Variants in CLPTM1 observed in about 807,000 individuals in gnomAD.
CLPTM1 encodes the protein putative lipid scramblase CLPTM1.
A neutral mutation model predicts 77.3 loss-of-function variants in CLPTM1; 21 were observed. That is an observed-to-expected ratio of 0.27 (90% CI 0.19 to 0.39). CLPTM1 has a LOEUF of 0.39. Ranked by LOEUF, CLPTM1 falls within the 10% of genes least tolerant of loss-of-function variation. The probability of loss-of-function intolerance (pLI) is 1.00; values close to 1 mark genes in which losing one functional copy is unlikely to be tolerated. For synonymous variants in CLPTM1, 373 were observed against 381.0 expected, an observed-to-expected ratio of 0.98 and a Z score of 0.24; for missense variants, 642 against 921.2, an observed-to-expected ratio of 0.70 and a Z score of 3.92.
Position 44,972,717 on chromosome 19 carries a change from C to T in CLPTM1, c.186-370C>T, listed in dbSNP as rs552176209. The stretch of plus-strand genomic sequence containing the variant: ...ACTGAAGGGGTTCCAGATTCTTAGT[C>T]TCCTCTCGGGGGATCCCAGGGGGCT... On this transcript the variant is annotated intron_variant, in intron 2 of 13. Coordinates refer to ENST00000337392, the MANE Select transcript of CLPTM1 (RefSeq NM_001294.4). Among the ~76,000 whole-genome samples, 7 of 152,064 alleles carry T rather than the reference C, an allele frequency of 4.6e-5. No homozygotes were observed. In the Middle Eastern group the frequency reaches 0.02, roughly 443 times the overall value.
At chr19:44,987,966 C>T in intron 8 of CLPTM1, 114 bp from the exon 9 acceptor site, 1 of 768,612 alleles carries the variant, frequency 1.3e-6, no homozygotes, top group Admixed American at 1.8e-5. Flanking sequence ...CTCCTCCTGG[C>T]TGGCCCACCT....
intron 8 of CLPTM1, chr19:44,987,792 TGTC>T: frequency 1.8e-6 from 1 of 562,230 alleles, no homozygotes; most frequent in Non-Finnish European, 3.2e-6. Flanking sequence ...CCTCCTGGGC[TGTC>T]GTCACTGTTG....
At chr19:44,975,931 C>T (rs1970799759) in intron 4 of CLPTM1, among the ~76,000 whole-genome samples, 1 of 152,052 alleles carries the variant, frequency 6.6e-6, no homozygotes, top group East Asian at 1.9e-4. Flanking sequence ...GGTGCAATTA[C>T]AGCTCACTGC....
chr19:44,956,059 C>T (rs562896945), intron 1 of CLPTM1, among the ~76,000 whole-genome samples: 188 of 152,258 alleles, frequency 1.2e-3, no homozygotes, highest in African/African-American at 4.1e-3. Flanking sequence ...TAAAATAGTT[C>T]TATGGGTTAA....
At chr19:44,957,461 C>T (rs868140201) in intron 1 of CLPTM1, among the ~76,000 whole-genome samples, 2 of 152,238 alleles carry the variant, frequency 1.3e-5, no homozygotes, top group African/African-American at 2.4e-5. Context: ...GTGGAATGAG[C>T]GGATCTTGAA....
chr19:44,966,453 A>C (rs1385204481), intron 2 of CLPTM1, among the ~76,000 whole-genome samples: 1 of 152,162 alleles, frequency 6.6e-6, no homozygotes, highest in Admixed American at 6.6e-5. Flanking sequence ...TCCCATAGGC[A>C]CACATTTTTG....
intron 4 of CLPTM1, among the ~76,000 whole-genome samples, chr19:44,974,971 AC>A (rs1250036160): frequency 1.3e-5 from 2 of 152,196 alleles, no homozygotes; most frequent in Non-Finnish European, 2.9e-5. Flanking sequence ...AGTGCAGGGT[AC>A]TAAGCTAGGC....
intron 7 of CLPTM1, 113 bp downstream of exon 7, chr19:44,986,688 C>T: frequency 2.9e-6 from 4 of 1,357,754 alleles, no homozygotes; most frequent in Admixed American, 2.3e-5. Context: ...CAGGGCTCCA[C>T]CCTCCCAAGC....
chr19:44,963,603 G>A lies in CLPTM1; in HGVS notation c.185+1528G>A, dbSNP rs527339184. The stretch of plus-strand genomic sequence containing the variant: ...GCCTCCCAAAGTGCTGCGATTACAG[G>A]TGTGAGCCACCGCACCCAGCCTATT... On this transcript the variant is annotated intron_variant, in intron 2 of 13. Transcript: ENST00000337392. 2.6e-5 allele frequency among the ~76,000 whole-genome samples: 4 copies of A among 151,026 alleles called. No individual in the cohort carries two copies. The South Asian group carries it at 8.4e-4, about 32-fold the overall frequency.
chr19:44,975,359 G>A (rs369086356), intron 4 of CLPTM1, among the ~76,000 whole-genome samples: 2 of 152,234 alleles, frequency 1.3e-5, no homozygotes, highest in South Asian at 2.1e-4. Context: ...CCCAACGTGG[G>A]GCTGGGTGCA....
chr19:44,987,062 C>T, intron 7 of CLPTM1, 117 bp from the exon 8 acceptor site: 3 of 1,340,616 alleles, frequency 2.2e-6, no homozygotes, highest in South Asian at 2.8e-5. Flanking sequence ...CTAGAAATGT[C>T]CCCTGTCCTC....
At position 44,991,173 on chromosome 19, in the gene CLPTM1, C is replaced by T. The variant is rs997218234; in HGVS notation, c.1420-65C>T. 3.3e-5 allele frequency: 53 copies of T among 1,601,380 alleles called. No homozygotes were observed. The highest frequency in any genetic ancestry group is 2.7e-4 in the East Asian group (12 of 44,694). ...CCAGACCAGGTGTGGTGGGTGAGGG[C>T]GGGGAGCAGGGCTGCCAGGCAGGGC... On this transcript the variant is annotated intron_variant, in intron 11 of 13. Coordinates refer to ENST00000337392, the MANE Select transcript of CLPTM1 (RefSeq NM_001294.4). The surrounding 1 kb of genome is among the most constrained non-coding windows in gnomAD (Gnocchi z 5.4).
rs1166081433 is a variant in CLPTM1, at chr19:44,987,359, C to T, written c.974C>T (p.Ser325Leu). The T allele has an allele frequency of 1.9e-6, 3 of 1,614,112 alleles. No homozygotes were observed. The highest frequency in any genetic ancestry group is 2.7e-5 in the African/African-American group (2 of 74,954). ...WQLYAAQSTK[S>L]PWNFLGDELY... ...CTCTATGCTGCCCAGAGCACCAAGT[C>T]GCCCTGGAACTTCCTGGGTGATGAG... Residue 325 changes from serine to leucine, a missense_variant, in exon 8 of 14, where the codon TCG becomes TTG. Ser to Leu is a moderately radical substitution (Grantham distance 145). This residue lies in a region of CLPTM1 where 521 missense variants were observed against 800.4 expected (regional missense o/e 0.65). Coordinates refer to ENST00000337392, the MANE Select transcript of CLPTM1 (RefSeq NM_001294.4).
chr19:44,987,898 C>G (rs1971007056), intron 8 of CLPTM1, 182 bp from the exon 9 acceptor site: 2 of 627,564 alleles, frequency 3.2e-6, no homozygotes, highest in Non-Finnish European at 5.7e-6. Flanking sequence ...CTCCCCGTCT[C>G]TTCTGTCTTT....
chr19:44,956,418 T>A (rs1034968376), intron 1 of CLPTM1, among the ~76,000 whole-genome samples: 1 of 152,148 alleles, frequency 6.6e-6, no homozygotes, highest in Non-Finnish European at 1.5e-5. Flanking sequence ...ACAGTTGTAA[T>A]CCTGAATGAT....
At chr19:44,981,048 AG>A in intron 5 of CLPTM1, among the ~76,000 whole-genome samples, 1 of 152,100 alleles carries the variant, frequency 6.6e-6, no homozygotes, top group South Asian at 2.1e-4. Flanking sequence ...TCACCGTGTT[AG>A]CCAGGATGGT....
At chr19:44,960,652 T>C (rs191287910) in intron 1 of CLPTM1, among the ~76,000 whole-genome samples, 1 of 152,276 alleles carries the variant, frequency 6.6e-6, no homozygotes, top group East Asian at 1.9e-4. Context: ...ATTTGCTATC[T>C]GGTGGGTAAG....
At chr19:44,965,013 C>T (rs1034823835) in intron 2 of CLPTM1, among the ~76,000 whole-genome samples, 1 of 152,152 alleles carries the variant, frequency 6.6e-6, no homozygotes, top group Non-Finnish European at 1.5e-5. Context: ...TTCTATCCTT[C>T]CTGCCTAGAC....
In CLPTM1 at chr19:44,956,782, C is replaced by G. The variant is rs1970470456; in HGVS notation, c.72+1315C>G. On this transcript the variant is annotated intron_variant, in intron 1 of 13. Coordinates refer to ENST00000337392, the MANE Select transcript of CLPTM1 (RefSeq NM_001294.4). ...AGCTTCCAGATGGCACTCTGATCTT[C>G]TCTTGTACCAACTCTGCTTAAAAAC... 2.0e-5 allele frequency among the ~76,000 whole-genome samples: 3 copies of G among 152,226 alleles called. No homozygotes were observed. In the South Asian group the frequency reaches 6.2e-4, roughly 31 times the overall value.
Sources: gnomAD v4.1 joint callset for allele counts (sites outside exome capture counted in the v4.1 genomes callset) on GRCh38, gnomAD v4.1.1 for gene constraint, gnomAD v4.1.1 regional missense constraint, Gnocchi (gnomAD v3.1) non-coding constraint, MANE v1.5 for transcripts, NCBI Gene and HGNC (gene_info 2026-07-23, HGNC 2026-07-21) for gene names.